PAH: variants seen among roughly 807,000 people sequenced by gnomAD.
PAH encodes the protein phenylalanine hydroxylase.
PAH carries 64 observed loss-of-function variants against 62.0 expected under a neutral mutation model. The ratio of observed to expected loss-of-function variants is 1.03; its 90% CI spans 0.84 to 1.27. The LOEUF is 1.27. Among genes scored for constraint, PAH ranks in the 50% most tolerant of loss-of-function variants. PAH has a pLI of 0.00. For missense variants in PAH, 579 were observed against 542.8 expected (o/e 1.07, Z -0.66); for synonymous variants, 195 against 196.2 (o/e 0.99, Z 0.05).
intron 5 of PAH, among the ~76,000 whole-genome samples, chr12:102,863,335 T>G (rs566628686): frequency 6.6e-6 from 1 of 152,298 alleles, no homozygotes; most frequent in South Asian, 2.1e-4. Context: ...AGCACCAAGA[T>G]GTTCTGCTGG....
At chr12:102,922,163 AG>A (rs1362623846), upstream of PAH, among the ~76,000 whole-genome samples, 1 of 149,956 alleles carries the variant, frequency 6.7e-6, no homozygotes, top group Non-Finnish European at 1.5e-5. Flanking sequence ...TTACACAAAT[AG>A]TAGCATACTA....
chr12:102,903,842 C>G (rs1048220198), intron 2 of PAH, among the ~76,000 whole-genome samples: 1 of 152,100 alleles, frequency 6.6e-6, no homozygotes, highest in African/African-American at 2.4e-5. Flanking sequence ...TTTGCTTGTT[C>G]CCTTCCCTAG....
In PAH at chr12:102,869,219, C is replaced by A. The variant is rs553061101; in HGVS notation, c.442-2556G>T. Among the ~76,000 whole-genome samples the A allele has an allele frequency of 1.6e-4, 24 of 152,214 alleles. No individual in the cohort carries two copies. In the East Asian group the frequency reaches 4.4e-3, roughly 28 times the overall value. On this transcript the variant is annotated intron_variant, in intron 4 of 12. Coordinates refer to ENST00000553106, the MANE Select transcript of PAH (RefSeq NM_000277.3). ...GCCTTTATTGTTTATCTTTCATGTA[C>A]CTTGCCTAGGTGGTTTAAAGATTTT... is the stretch of plus-strand genomic sequence containing the variant.
chr12:102,909,711 C>G (rs141817048), intron 2 of PAH, among the ~76,000 whole-genome samples: 4 of 152,184 alleles, frequency 2.6e-5, no homozygotes, highest in Non-Finnish European at 4.4e-5. Context: ...GTAATCCCAG[C>G]ACTTTGGGAG....
upstream of PAH, among the ~76,000 whole-genome samples, chr12:102,955,431 C>T (rs1182053215): frequency 3.9e-5 from 6 of 152,178 alleles, 1 homozygote; most frequent in Admixed American, 2.6e-4. Flanking sequence ...AGCTCAGACT[C>T]GGGACCTTTG....
intron 1 of PAH, among the ~76,000 whole-genome samples, chr12:102,945,717 G>A (rs1879469219): frequency 6.6e-6 from 1 of 152,060 alleles, no homozygotes; most frequent in Non-Finnish European, 1.5e-5. Context: ...TCTGGCCCAG[G>A]GCAGTCCAGA....
intron 1 of PAH, among the ~76,000 whole-genome samples, chr12:102,926,335 G>A (rs939654856): frequency 6.6e-6 from 1 of 151,956 alleles, no homozygotes; most frequent in Non-Finnish European, 1.5e-5. Flanking sequence ...GGGATTTCTG[G>A]TAGAGGAAAC....
intron 4 of PAH, among the ~76,000 whole-genome samples, chr12:102,871,528 A>G (rs1008251291): frequency 1.3e-5 from 2 of 152,134 alleles, no homozygotes; most frequent in Admixed American, 6.5e-5. Context: ...ATGGTCTCAC[A>G]TATGTTAATA....
At chr12:102,877,111 T>C (rs1340725505) in intron 4 of PAH, 4 of 371,238 alleles carry the variant, frequency 1.1e-5, no homozygotes, top group African/African-American at 2.1e-5. Context: ...GAGTTGTTAG[T>C]ACAGGTTGCT....
intron 5 of PAH, among the ~76,000 whole-genome samples, chr12:102,860,780 C>T (rs976170068): frequency 1.3e-5 from 2 of 152,028 alleles, no homozygotes; most frequent in Admixed American, 6.6e-5. Context: ...TGGCTAGCCA[C>T]GTGTAGAAAG....
intron 5 of PAH, among the ~76,000 whole-genome samples, chr12:102,860,300 C>G (rs909533429): frequency 1.4e-4 from 22 of 152,130 alleles, no homozygotes; most frequent in African/African-American, 4.3e-4. Flanking sequence ...TCAAGGAGAA[C>G]TTGTAGTTGA....
At position 102,844,413 on chromosome 12, in the gene PAH, C is replaced by T. The variant is rs1356332985; in HGVS notation, c.988G>A (p.Glu330Lys). The T allele has an allele frequency of 6.2e-7, 1 of 1,612,564 alleles. No individual in the cohort carries two copies. The highest frequency in any genetic ancestry group is 8.5e-7 in the Non-Finnish European group (1 of 1,178,732). ...KLATIYWFTV[E>K]FGLCKQGDSI... ...TCTCCTTGTTTGCAGAGCCCAAACT[C>T]CACAGTAAACCAGTAAATCTGGAAT... is the stretch of plus-strand genomic sequence containing the variant. The change falls in exon 10 of 13, where the codon GAG becomes AAG. Residue 330 changes from glutamate to lysine, a missense_variant. Physicochemically the swap from Glu to Lys is moderately conservative, Grantham distance 56. Coordinates refer to ENST00000553106, the MANE Select transcript of PAH (RefSeq NM_000277.3).
At chr12:102,868,803 T>C (rs1409190358) in intron 4 of PAH, among the ~76,000 whole-genome samples, 1 of 152,228 alleles carries the variant, frequency 6.6e-6, no homozygotes, top group Non-Finnish European at 1.5e-5. Flanking sequence ...AATAAACATG[T>C]AATATTGGTC....
intron 3 of PAH, among the ~76,000 whole-genome samples, chr12:102,880,398 G>A (rs948043993): frequency 1.3e-5 from 2 of 152,110 alleles, no homozygotes; most frequent in East Asian, 3.9e-4. Context: ...CCACCAAGGG[G>A]TTTCAATGAA....
intron 2 of PAH, among the ~76,000 whole-genome samples, chr12:102,899,769 G>C (rs1877663003): frequency 7.5e-6 from 1 of 134,124 alleles, no homozygotes; most frequent in African/African-American, 2.7e-5. Context: ...TGAGGCAGGA[G>C]AATGGCGTGA....
intron 9 of PAH, among the ~76,000 whole-genome samples, chr12:102,845,625 GACAGTC>G (rs1379977808): frequency 6.6e-6 from 1 of 152,182 alleles, no homozygotes; most frequent in Non-Finnish European, 1.5e-5. Flanking sequence ...AGCTGCTGGA[GACAGTC>G]ACAGTTTTGG....
intron 4 of PAH, among the ~76,000 whole-genome samples, chr12:102,869,305 T>G (rs1252326567): frequency 6.6e-6 from 1 of 152,202 alleles, no homozygotes; most frequent in East Asian, 1.9e-4. Flanking sequence ...ATCAATTATG[T>G]CAATTATGTC....
intron 1 of PAH, among the ~76,000 whole-genome samples, chr12:102,943,463 T>C (rs1278248546): frequency 6.6e-6 from 1 of 152,208 alleles, no homozygotes; most frequent in Non-Finnish European, 1.5e-5. Flanking sequence ...GTTCATACAC[T>C]GCTGGTGGGA....
At chr12:102,849,828 G>A (rs1432782514) in intron 8 of PAH, among the ~76,000 whole-genome samples, 1 of 152,144 alleles carries the variant, frequency 6.6e-6, no homozygotes, top group Admixed American at 6.5e-5. Context: ...ATCCTGTACT[G>A]TAGTGGGAAG....
Sources: gnomAD v4.1 joint callset for allele counts (sites outside exome capture counted in the v4.1 genomes callset) on GRCh38, gnomAD v4.1.1 for gene constraint, MANE v1.5 for transcripts, NCBI Gene and HGNC (gene_info 2026-07-23, HGNC 2026-07-21) for gene names.